Variants in ANO10 observed in about 807,000 individuals in gnomAD.
ANO10 encodes anoctamin 10, also known as anoctamin-10.
ANO10 carries 77 observed loss-of-function variants against 74.7 expected under a neutral mutation model. The ratio of observed to expected loss-of-function variants is 1.03; its 90% CI spans 0.86 to 1.25. The LOEUF is 1.25. ANO10 is among the 50% of genes most tolerant of loss of function. ANO10 has a pLI of 0.00. For missense variants in ANO10, 721 were observed against 778.1 expected (o/e 0.93, Z 0.87); for synonymous variants, 279 against 284.9 (o/e 0.98, Z 0.21).
chr3:43,520,632 T>TTTTA (rs1314610976), intron 11 of ANO10, among the ~76,000 whole-genome samples: 1 of 152,172 alleles, frequency 6.6e-6, no homozygotes, highest in East Asian at 1.9e-4. Flanking sequence ...TGTACATTCT[T>TTTTA]TTTATTTATT....
rs527847788 is a variant in ANO10, at chr3:43,497,486, T to C, written c.1797+52234A>G. Among the ~76,000 whole-genome samples, 4 of 152,344 alleles carry C rather than the reference T, an allele frequency of 2.6e-5. No individual in the cohort carries two copies. The South Asian group carries it at 6.2e-4, about 24-fold the overall frequency. ...ACACTTTCTGCTCTGTTTTTCCTGATTGCAGAAAACTCCAGTCCCAGAAAA... is the reference window on the plus strand; with the variant it reads ...ACACTTTCTGCTCTGTTTTTCCTGACTGCAGAAAACTCCAGTCCCAGAAAA... On this transcript the variant is annotated intron_variant, in intron 11 of 12. Coordinates refer to ENST00000292246, the MANE Select transcript of ANO10 (RefSeq NM_018075.5).
At chr3:43,690,915 G>C (rs2149587193) in intron 1 of ANO10, 1 of 1,472,868 alleles carries the variant, frequency 6.8e-7, no homozygotes, top group African/African-American at 1.4e-5. Flanking sequence ...CGCCTTAAGT[G>C]CCGCGCCAGC....
chr3:43,600,682 AAG>A (rs1371253711), intron 2 of ANO10, 101 bp from the exon 3 acceptor site: 2 of 997,214 alleles, frequency 2.0e-6, no homozygotes, highest in Non-Finnish European at 3.0e-6. Flanking sequence ...GTAGAAGAAA[AAG>A]AAATTATATT....
chr3:43,436,432 A>G (rs1204519095), intron 11 of ANO10, among the ~76,000 whole-genome samples: 3 of 152,216 alleles, frequency 2.0e-5, no homozygotes. Context: ...CTTTTACAGT[A>G]AAACTCACAA....
rs73832624 is a variant in ANO10, at chr3:43,603,765, G to A, written c.139+1949C>T. ...AGGCAGTCTTGTCAAATAATCTTCCGTTAGCAACCCCCTGATTTCTGCACC... is the reference window on the plus strand; with the variant it reads ...AGGCAGTCTTGTCAAATAATCTTCCATTAGCAACCCCCTGATTTCTGCACC... On this transcript the variant is annotated intron_variant, in intron 2 of 12. Coordinates refer to ENST00000292246, the MANE Select transcript of ANO10 (RefSeq NM_018075.5). 1.4e-3 allele frequency among the ~76,000 whole-genome samples: 216 copies of A among 152,240 alleles called. 1 individual carries two copies. Among genetic ancestry groups the A allele is most frequent in the African/African-American group, 4.8e-3 (201 of 41,542 alleles).
At chr3:43,658,681 G>C (rs2083885909) in intron 1 of ANO10, among the ~76,000 whole-genome samples, 1 of 152,042 alleles carries the variant, frequency 6.6e-6, no homozygotes, top group Non-Finnish European at 1.5e-5. Flanking sequence ...CGTTGGCCAG[G>C]CTTGTCTTGA....
intron 1 of ANO10, among the ~76,000 whole-genome samples, chr3:43,616,768 C>T (rs2083130190): frequency 6.6e-6 from 1 of 152,158 alleles, no homozygotes; most frequent in Non-Finnish European, 1.5e-5. Flanking sequence ...TAAGCTGTCT[C>T]TTCTTTCTGT....
chr3:43,655,281 C>T (rs1399155593), intron 1 of ANO10, among the ~76,000 whole-genome samples: 10 of 151,986 alleles, frequency 6.6e-5, no homozygotes, highest in South Asian at 2.1e-4. Context: ...TAAGGTGGCG[C>T]GTCTGGAGCT....
rs761523569 is a variant in ANO10, at chr3:43,549,731, C to A, written c.1786G>T (p.Val596Leu). The change falls in exon 11 of 13, where the codon GTA becomes TTA. Residue 596 changes from valine (V) to leucine (L), a missense_variant. Coordinates refer to ENST00000292246, the MANE Select transcript of ANO10 (RefSeq NM_018075.5). Reference protein sequence around the residue: ...ESKADLILIVVAVEHALLALK... With the variant: ...ESKADLILIVLAVEHALLALK... ...AAATCTTTACTTACCTCCACTGCTA[C>A]TACAATCAAAATGAGGTCTGCTTTT... The A allele has an allele frequency of 6.2e-7, 1 of 1,614,006 alleles. No homozygotes were observed. The highest frequency in any genetic ancestry group is 1.7e-5 in the Admixed American group (1 of 60,024).
At chr3:43,390,587 G>A (rs140612278) in intron 12 of ANO10, among the ~76,000 whole-genome samples, 1,953 of 152,306 alleles carry the variant, frequency 0.013, 20 homozygotes, top group Non-Finnish European at 0.019. Flanking sequence ...TGCACCCCAT[G>A]AGCAGAGGAC....
At chr3:43,508,339 C>G (rs1202553488) in intron 11 of ANO10, among the ~76,000 whole-genome samples, 1 of 152,104 alleles carries the variant, frequency 6.6e-6, no homozygotes, top group Non-Finnish European at 1.5e-5. Context: ...CTAAAAAAAT[C>G]ATTAGAAAAT....
At chr3:43,385,010 TAATC>T (rs2092075222) in intron 12 of ANO10, among the ~76,000 whole-genome samples, 1 of 152,120 alleles carries the variant, frequency 6.6e-6, no homozygotes, top group African/African-American at 2.4e-5. Flanking sequence ...AAAATCTTCA[TAATC>T]TATATATACA....
chr3:43,469,054 T>TC (rs2075749279), intron 11 of ANO10, among the ~76,000 whole-genome samples: 1 of 142,280 alleles, frequency 7.0e-6, no homozygotes, highest in Non-Finnish European at 1.5e-5. Flanking sequence ...TTTTTTTTTT[T>TC]TTTTTTGAGA....
At chr3:43,428,689 G>C (rs1275717724) in intron 12 of ANO10, among the ~76,000 whole-genome samples, 2 of 146,646 alleles carry the variant, frequency 1.4e-5, no homozygotes, top group South Asian at 2.1e-4. Flanking sequence ...AAATCTCAAA[G>C]AGACATAACA....
intron 11 of ANO10, among the ~76,000 whole-genome samples, chr3:43,475,305 T>C (rs181819070): frequency 1.1e-3 from 170 of 152,334 alleles, no homozygotes; most frequent in Admixed American, 2.5e-3. Flanking sequence ...TGTGAATTTT[T>C]TTTCTTACAG....
chr3:43,495,540 C>A (rs1318110095), intron 11 of ANO10, among the ~76,000 whole-genome samples: 3 of 152,126 alleles, frequency 2.0e-5, no homozygotes, highest in African/African-American at 4.8e-5. Flanking sequence ...ATAAACCACA[C>A]TCAAAAGAAA....
intron 11 of ANO10, among the ~76,000 whole-genome samples, chr3:43,540,147 T>C (rs80245211): frequency 2.6e-4 from 40 of 152,350 alleles, no homozygotes; most frequent in African/African-American, 8.9e-4. Flanking sequence ...CAATAATTCC[T>C]TCGTTAATCA....
In ANO10 at chr3:43,426,111, C is replaced by T. The variant is rs78791951; in HGVS notation, c.1914+6500G>A. On this transcript the variant is annotated intron_variant, in intron 12 of 12. Transcript: ENST00000292246. Reference sequence around the variant, plus strand: ...ATGACCTGTAAGCCCATCCCTCCCCCGCCTCCACACCTTTCACATCGCATC... The same window carrying T: ...ATGACCTGTAAGCCCATCCCTCCCCTGCCTCCACACCTTTCACATCGCATC... Among the ~76,000 whole-genome samples, 1,531 of 152,204 alleles carry T rather than the reference C, an allele frequency of 0.01. 65 individuals carry two copies. In the East Asian group the frequency reaches 0.12, roughly 12 times the overall value.
intron 12 of ANO10, among the ~76,000 whole-genome samples, chr3:43,395,996 G>A (rs1168207204): frequency 6.6e-6 from 1 of 152,132 alleles, no homozygotes; most frequent in Non-Finnish European, 1.5e-5. Context: ...TTTCTGTGCA[G>A]ATGATCATGT....
Sources: gnomAD v4.1 joint callset for allele counts (sites outside exome capture counted in the v4.1 genomes callset) on GRCh38, gnomAD v4.1.1 for gene constraint, MANE v1.5 for transcripts, NCBI Gene and HGNC (gene_info 2026-07-23, HGNC 2026-07-21) for gene names.